Variants in PREX1 observed in about 807,000 individuals in gnomAD.
The protein encoded by PREX1 is phosphatidylinositol 3,4,5-trisphosphate-dependent Rac exchanger 1 protein.
Under a neutral mutation model 198.3 loss-of-function variants are expected in PREX1, and 41 were observed. The observed-to-expected ratio is 0.21, with a 90% CI of 0.16 to 0.27. The LOEUF is 0.27. Among genes scored for constraint, PREX1 ranks in the 10% least tolerant of loss-of-function variants. The probability of loss-of-function intolerance (pLI) is 1.00; values close to 1 mark genes in which losing one functional copy is unlikely to be tolerated. For missense variants in PREX1, 1,620 were observed against 2,200.7 expected, an observed-to-expected ratio of 0.74 and a Z score of 5.28; for synonymous variants, 843 against 887.2, an observed-to-expected ratio of 0.95 and a Z score of 0.89.
the PREX1 span, among the ~76,000 whole-genome samples, chr20:48,880,808 A>G: frequency 6.6e-6 from 1 of 152,016 alleles, no homozygotes; most frequent in African/African-American, 2.4e-5. Flanking sequence ...TGCCACAGGT[A>G]AGAAAATGAA....
chr20:48,641,836 GAGAGAGGAAGGA>G (rs1162799548), intron 29 of PREX1, among the ~76,000 whole-genome samples: 3,118 of 116,814 alleles, frequency 0.027, 161 homozygotes, highest in African/African-American at 0.069. Context: ...GAGAGAGAGA[GAGAGAGGAAGGA>G]AGGAAGGAAG....
At chr20:48,628,631 T>G (rs1391599320) in intron 37 of PREX1, among the ~76,000 whole-genome samples, 1 of 152,084 alleles carries the variant, frequency 6.6e-6, no homozygotes, top group Non-Finnish European at 1.5e-5. Context: ...CAACCAAAAA[T>G]GTGTCCAGAC....
intron 1 of PREX1, among the ~76,000 whole-genome samples, chr20:48,759,288 G>A (rs187296278): frequency 1.2e-3 from 189 of 152,116 alleles, no homozygotes; most frequent in Admixed American, 3.4e-3. Flanking sequence ...GGTAGCTCAC[G>A]CCTATAATAC....
intron 18 of PREX1, 23 bp from the exon 19 acceptor site, chr20:48,655,398 G>C (rs1451945095): frequency 6.8e-7 from 1 of 1,476,314 alleles, no homozygotes; most frequent in East Asian, 2.5e-5. Flanking sequence ...GAAGAGGCAG[G>C]GAAAAAGGCC....
chr20:48,691,125 C>T lies in PREX1; in HGVS notation c.1037-29G>A. On this transcript the variant is annotated intron_variant, in intron 8 of 39. Transcript: ENST00000371941. The surrounding 1 kb of genome is among the most constrained non-coding windows in gnomAD (Gnocchi z 5.0). ...GTGGGGGCAGGAGGCAAAGGTGCAGCAGAGACTCAGCCGCGTGACCTTCAA... is the reference window on the plus strand; with the variant it reads ...GTGGGGGCAGGAGGCAAAGGTGCAGTAGAGACTCAGCCGCGTGACCTTCAA... 6.2e-7 allele frequency: 1 copy of T among 1,613,966 alleles called. No homozygotes were observed. Among genetic ancestry groups the T allele is most frequent in the Non-Finnish European group, 8.5e-7 (1 of 1,179,876 alleles).
Position 48,659,810 on chromosome 20 carries a change from G to T in PREX1, c.1881+109C>A, listed in dbSNP as rs553728671. The T allele has an allele frequency of 2.7e-4, 397 of 1,469,056 alleles. 8 individuals are homozygous for T. In the South Asian group the frequency reaches 4.5e-3, roughly 17 times the overall value. The allele number at this position is 1,469,056 out of a possible 1,614,324, so 91.0% of individuals were successfully genotyped here. A position where few individuals can be genotyped will look rare whatever the true frequency, so the allele number is the denominator to read the frequency against. On this transcript the variant is annotated intron_variant, in intron 16 of 39. Coordinates refer to ENST00000371941, the MANE Select transcript of PREX1 (RefSeq NM_020820.4). The stretch of plus-strand genomic sequence containing the variant: ...TACCACCTAGAATCCACCTATTCTG[G>T]TACTCCAAGCTGAGCCCCCTTCCCT...
Position 48,650,142 on chromosome 20 carries a change from G to A in PREX1, c.2882C>T (p.Pro961Leu), listed in dbSNP as rs41283554. 4.6e-4 allele frequency: 742 copies of A among 1,613,980 alleles called. 1 individual carries two copies. Among genetic ancestry groups the A allele is most frequent in the Admixed American group, 1.1e-3 (65 of 60,024 alleles). Residue 961 changes from proline to leucine, a missense_variant, in exon 24 of 40, where the codon CCG becomes CTG. By Grantham distance (98) the Pro-to-Leu change is moderately conservative (BLOSUM62 -3). This residue lies in a region of PREX1 where 514 missense variants were observed against 611.6 expected (regional missense o/e 0.84). Transcript: ENST00000371941. ...GGGGCAGAAGTCCAGGCCACACAGC[G>A]GGTGGGGCTCCAGGGGGGCTTGTTT... ...PFKQAPLEPHPLCGLDFCPTN... is the reference protein window; with the variant it reads ...PFKQAPLEPHLLCGLDFCPTN...
In PREX1 at chr20:48,679,690, G is replaced by A. The variant is rs2089735578; in HGVS notation, c.1500C>T (p.Thr500=). ...VMYRFRYDDG[T]YKARSELEDI... ...CCTCCAGCTCACTTCGGGCCTTGTA[G>A]GTGCCATCGTCGTAGCGGAAGCGAT... The change falls in exon 12 of 40, where the codon ACC becomes ACT. Residue 500 remains threonine (T), a synonymous_variant. Coordinates refer to ENST00000371941, the MANE Select transcript of PREX1 (RefSeq NM_020820.4). The A allele has an allele frequency of 1.2e-6, 2 of 1,613,788 alleles. No homozygotes were observed. Among genetic ancestry groups the A allele is most frequent in the Non-Finnish European group, 1.7e-6 (2 of 1,179,658 alleles).
At chr20:48,743,502 C>T (rs1391163000) in intron 3 of PREX1, among the ~76,000 whole-genome samples, 2 of 152,184 alleles carry the variant, frequency 1.3e-5, no homozygotes, top group Non-Finnish European at 2.9e-5. Flanking sequence ...GACCACTTCC[C>T]TCCTCTGCTC....
Position 48,632,560 on chromosome 20 carries a change from G to A in PREX1, c.4347C>T (p.Ser1449=). Residue 1449 remains serine (S), a synonymous_variant, in exon 34 of 40, where the codon TCC becomes TCT. Coordinates refer to ENST00000371941, the MANE Select transcript of PREX1 (RefSeq NM_020820.4). ...CACCCTCCAGGCGGGAGGGCAGCTT[G>A]GAGAAGTGGTAGCTGTCGAGGTAGA... ...VIFYLDSYHF[S]KLPSRLEGGA... 6.2e-7 allele frequency: 1 copy of A among 1,614,032 alleles called. No homozygotes were observed. Among genetic ancestry groups the A allele is most frequent in the Non-Finnish European group, 8.5e-7 (1 of 1,179,924 alleles).
chr20:48,656,621 C>A (rs2089545677), intron 18 of PREX1: 3 of 448,528 alleles, frequency 6.7e-6, no homozygotes, highest in Non-Finnish European at 1.3e-5. Flanking sequence ...TGCTTCGGGT[C>A]TTCACCCCGA....
chr20:48,771,737 T>A (rs1360186238), intron 1 of PREX1, among the ~76,000 whole-genome samples: 1 of 152,202 alleles, frequency 6.6e-6, no homozygotes, highest in East Asian at 1.9e-4. Context: ...TCATTAAGAA[T>A]TCCTTCATGC....
intron 11 of PREX1, among the ~76,000 whole-genome samples, chr20:48,680,969 T>G (rs2123018854): frequency 6.6e-6 from 1 of 152,334 alleles, no homozygotes; most frequent in Non-Finnish European, 1.5e-5. Flanking sequence ...TAACTAAAAC[T>G]TAACCAAATG....
In PREX1 at chr20:48,752,843, C is replaced by A. The variant is rs966782552; in HGVS notation, c.220-4963G>T. 7.2e-5 allele frequency among the ~76,000 whole-genome samples: 11 copies of A among 152,306 alleles called. No individual in the cohort carries two copies. The South Asian group carries it at 1.7e-3, about 23-fold the overall frequency. On this transcript the variant is annotated intron_variant, in intron 1 of 39. Coordinates refer to ENST00000371941, the MANE Select transcript of PREX1 (RefSeq NM_020820.4). The stretch of plus-strand genomic sequence containing the variant: ...AAGACAGACCTCAAGTTGTTCATTT[C>A]ATTGCTTACTAGTCAAAATCACAGC...
chr20:48,651,401 C>A lies in PREX1; in HGVS notation c.2650G>T (p.Ala884Ser). The change falls in exon 22 of 40, where the codon GCC becomes TCC. Residue 884 changes from alanine (A) to serine (S), a missense_variant. Ala to Ser is a moderately conservative substitution (Grantham distance 99). Around this residue, in one of 7 missense-constraint regions of PREX1, gnomAD observed 514 missense variants for 611.6 expected, o/e 0.84. Transcript: ENST00000371941. ...CAGGCAGTGCCCAAGGAGACCTTGGCGGTGAGGCCGAAGCAGCCGCGGGGC... is the reference window on the plus strand; with the variant it reads ...CAGGCAGTGCCCAAGGAGACCTTGGAGGTGAGGCCGAAGCAGCCGCGGGGC... ...VEPRGCFGLT[A>S]KILEAFAAND... 6.2e-7 allele frequency: 1 copy of A among 1,601,162 alleles called. No homozygotes were observed. Among genetic ancestry groups the A allele is most frequent in the Middle Eastern group, 1.7e-4 (1 of 5,940 alleles).
the PREX1 span, among the ~76,000 whole-genome samples, chr20:48,878,875 T>C: frequency 1.1e-4 from 16 of 152,168 alleles, no homozygotes; most frequent in Admixed American, 9.8e-4. Context: ...TGATTAGAAA[T>C]GAAAAGCTTT....
Position 48,646,048 on chromosome 20 carries a change from G to A in PREX1, c.3315C>T (p.Ser1105=). ...QYVTQINRLL[S]TITEPTSGGS... is the part of the protein sequence containing the mutation. ...CACCCGAGGTGGGCTCTGTGATGGT[G>A]GACAGCAGCCTACGGAAGCAAAGAC... Residue 1105 remains serine, a synonymous_variant, in exon 26 of 40, where the codon TCC becomes TCT. Transcript: ENST00000371941. 1 of 1,613,682 alleles carries A rather than the reference G, an allele frequency of 6.2e-7. No individual in the cohort carries two copies. Among genetic ancestry groups the A allele is most frequent in the South Asian group, 1.1e-5 (1 of 91,072 alleles).
At chr20:48,633,575 G>A (rs1160898896) in intron 33 of PREX1, among the ~76,000 whole-genome samples, 1 of 152,186 alleles carries the variant, frequency 6.6e-6, no homozygotes, top group Non-Finnish European at 1.5e-5. Context: ...ACAGGCCTCT[G>A]GACTCCACCT....
intron 6 of PREX1, among the ~76,000 whole-genome samples, chr20:48,701,705 C>T (rs973283725): frequency 3.0e-4 from 46 of 152,184 alleles, no homozygotes; most frequent in Non-Finnish European, 3.7e-4. Flanking sequence ...TCAACAAATG[C>T]AATGTGCAAA....
Sources: allele counts gnomAD v4.1 joint callset (sites outside exome capture counted in the v4.1 genomes callset), GRCh38; gene constraint gnomAD v4.1.1; regional missense constraint gnomAD v4.1.1; non-coding constraint Gnocchi (gnomAD v3.1); transcripts MANE v1.5; gene names NCBI Gene and HGNC (gene_info 2026-07-23, HGNC 2026-07-21).